Variants in TRPM2 observed in about 807,000 individuals in gnomAD.
TRPM2 encodes the protein estrogen-responsive element-associated gene 1 protein.
TRPM2 carries 161 observed loss-of-function variants against 174.0 expected under a neutral mutation model. That is an observed-to-expected ratio of 0.93 (90% CI 0.81 to 1.05). TRPM2 has a LOEUF of 1.05. Ranked by LOEUF, TRPM2 falls within the 50% of genes least tolerant of loss-of-function variation. The probability of loss-of-function intolerance (pLI) is 0.00; values close to 1 mark genes in which losing one functional copy is unlikely to be tolerated. For missense variants in TRPM2, 2,057 were observed against 2,038.0 expected, an observed-to-expected ratio of 1.01 and a Z score of -0.18; for synonymous variants, 954 against 861.3, an observed-to-expected ratio of 1.11 and a Z score of -1.88.
intron 12 of TRPM2, among the ~76,000 whole-genome samples, chr21:44,397,373 A>G (rs564187256): frequency 6.6e-6 from 1 of 152,180 alleles, no homozygotes; most frequent in Non-Finnish European, 1.5e-5. Context: ...TTCTGCTAAA[A>G]AAAACTGGTT....
At chr21:44,427,903 G>A (rs1601242523) in intron 27 of TRPM2, among the ~76,000 whole-genome samples, 1 of 152,162 alleles carries the variant, frequency 6.6e-6, no homozygotes, top group African/African-American at 2.4e-5. Context: ...GGTGTTGGGG[G>A]TATGTGGGAC....
chr21:44,355,343 G>T (rs1427785945), intron 2 of TRPM2, among the ~76,000 whole-genome samples: 1 of 152,204 alleles, frequency 6.6e-6, no homozygotes, highest in Non-Finnish European at 1.5e-5. Flanking sequence ...GCCCCTTTAG[G>T]CACGGACAGA....
chr21:44,373,176 CCT>C (rs2048591526), intron 5 of TRPM2, among the ~76,000 whole-genome samples: 1 of 151,836 alleles, frequency 6.6e-6, no homozygotes, highest in Non-Finnish European at 1.5e-5. Context: ...CACCCTTGGC[CCT>C]CTCTCTTTTT....
intron 24 of TRPM2, 26 bp from the exon 25 acceptor site, chr21:44,425,644 C>T (rs369359935): frequency 5.0e-5 from 73 of 1,472,498 alleles, no homozygotes; most frequent in African/African-American, 4.5e-4. Flanking sequence ...CTCCGCCTTG[C>T]GTCACGTCTT....
At chr21:44,368,437 T>C (rs1012452948) in intron 4 of TRPM2, among the ~76,000 whole-genome samples, 5 of 148,836 alleles carry the variant, frequency 3.4e-5, no homozygotes, top group African/African-American at 1.2e-4. Flanking sequence ...TTTTTGTTTT[T>C]TTTTTGGAGT....
chr21:44,402,382 C>G (rs968412137), intron 16 of TRPM2, among the ~76,000 whole-genome samples: 4 of 152,184 alleles, frequency 2.6e-5, no homozygotes, highest in Admixed American at 2.6e-4. Flanking sequence ...AGCTCTGAGC[C>G]CAGGGCATCC....
At chr21:44,403,094 C>T (rs1399535973) in intron 16 of TRPM2, among the ~76,000 whole-genome samples, 3 of 152,152 alleles carry the variant, frequency 2.0e-5, no homozygotes, top group Admixed American at 6.5e-5. Flanking sequence ...CCTCTTGCCA[C>T]AGGGCTTCTG....
At chr21:44,365,781 G>C (rs893871355) in intron 3 of TRPM2, among the ~76,000 whole-genome samples, 5 of 152,186 alleles carry the variant, frequency 3.3e-5, no homozygotes, top group African/African-American at 9.7e-5. Context: ...CACAGACCCT[G>C]TACTGCAGCA....
chr21:44,423,473 A>C, intron 22 of TRPM2, 172 bp from the exon 23 acceptor site: 5 of 610,722 alleles, frequency 8.2e-6, no homozygotes, highest in East Asian at 2.9e-5. Context: ...GGCCCTGGGC[A>C]GTTTGGTTCT....
rs2047991773 is a variant in TRPM2 at position 44,354,131 on chromosome 21, T to C, written c.165+266T>C. Among the ~76,000 whole-genome samples, 1 of 152,176 alleles carries C rather than the reference T, an allele frequency of 6.6e-6. No homozygotes were observed. Among genetic ancestry groups the C allele is most frequent in the South Asian group, 2.1e-4 (1 of 4,830 alleles). On this transcript the variant is annotated intron_variant, in intron 1 of 31. Coordinates refer to ENST00000397928, the MANE Select transcript of TRPM2 (RefSeq NM_003307.4). The surrounding 1 kb of genome is among the most constrained non-coding windows in gnomAD (Gnocchi z 4.3). Reference sequence around the variant, plus strand: ...AAATGTTGCGCTAGAGTCCTGGAAATCTGTTACCCGTGCTTACCTTGTTGC... The same window carrying C: ...AAATGTTGCGCTAGAGTCCTGGAAACCTGTTACCCGTGCTTACCTTGTTGC...
At chr21:44,436,894 T>A (rs1338029338) in intron 28 of TRPM2, among the ~76,000 whole-genome samples, 168 bp from the exon 29 acceptor site, 1 of 152,190 alleles carries the variant, frequency 6.6e-6, no homozygotes, top group Non-Finnish European at 1.5e-5. Context: ...CCTAAGTGGT[T>A]ACTATCTCAG....
chr21:44,355,815 A>G (rs1181603081), intron 2 of TRPM2, among the ~76,000 whole-genome samples: 6 of 151,340 alleles, frequency 4.0e-5, no homozygotes, highest in African/African-American at 7.3e-5. Flanking sequence ...ACGGTCACCA[A>G]TACAACAGCT....
At chr21:44,355,245 G>A (rs1228780875) in intron 2 of TRPM2, among the ~76,000 whole-genome samples, 1 of 152,086 alleles carries the variant, frequency 6.6e-6, no homozygotes, top group Non-Finnish European at 1.5e-5. Context: ...CTCAGGTGTG[G>A]CCAAGACCCC....
At chr21:44,425,075 C>T in intron 24 of TRPM2, 136 bp downstream of exon 24, 1 of 796,128 alleles carries the variant, frequency 1.3e-6, no homozygotes, top group Non-Finnish European at 1.9e-6. Context: ...CTGTTCCAGG[C>T]AGGGCCAGCG....
chr21:44,407,110 T>A (rs1383806918), intron 19 of TRPM2, among the ~76,000 whole-genome samples: 6 of 30,342 alleles, frequency 2.0e-4, no homozygotes, highest in Non-Finnish European at 3.1e-4. Context: ...AACTTCCTTC[T>A]TCTCTTGATG....
At position 44,405,231 on chromosome 21, in the gene TRPM2, C is replaced by T; in HGVS notation, c.2628C>T (p.Ile876=). The T allele has an allele frequency of 6.2e-7, 1 of 1,613,354 alleles. No individual in the cohort carries two copies. The highest frequency in any genetic ancestry group is 8.5e-7 in the Non-Finnish European group (1 of 1,179,954). ...GGAATAAGCTGGACGTCGGCGCAAT[C>T]TTGCTCTTCGTGGCAGGGCTGACCT... is the stretch of plus-strand genomic sequence containing the variant. ...DFWNKLDVGA[I]LLFVAGLTCR... Residue 876 remains isoleucine (I), a synonymous_variant, in exon 17 of 32, where the codon ATC becomes ATT. Coordinates refer to ENST00000397928, the MANE Select transcript of TRPM2 (RefSeq NM_003307.4).
At chr21:44,375,804 C>CACTTTCCAGA in intron 5 of TRPM2, 29 bp from the exon 6 acceptor site, 1 of 1,590,330 alleles carries the variant, frequency 6.3e-7, no homozygotes, top group Non-Finnish European at 8.6e-7. Context: ...TTTCCAGAAG[C>CACTTTCCAGA]AGTGTCTGAC....
In TRPM2 at chr21:44,418,499, C is replaced by A; in HGVS notation, c.3405C>A (p.Asn1135Lys). Residue 1135 changes from asparagine (N) to lysine (K), a missense_variant, in exon 22 of 32, where the codon AAC becomes AAA. By Grantham distance (94) the Asn-to-Lys change is moderately conservative. Transcript: ENST00000397928. ...EIYLKENYLQNRQFQQKQRPE... is the reference protein window; with the variant it reads ...EIYLKENYLQKRQFQQKQRPE... ...ACCTGAAGGAGAACTACCTCCAGAA[C>A]CGACAGTTCCAGCAAAAGCAGCGGC... 6.2e-7 allele frequency: 1 copy of A among 1,614,116 alleles called. No individual in the cohort carries two copies. The highest frequency in any genetic ancestry group is 1.1e-5 in the South Asian group (1 of 91,082).
chr21:44,438,962 G>T lies in TRPM2; in HGVS notation c.4168-105G>T, dbSNP rs968363209. The T allele has an allele frequency of 2.3e-6, 2 of 870,996 alleles. No homozygotes were observed. Among genetic ancestry groups the T allele is most frequent in the Admixed American group, 4.5e-5 (2 of 44,596 alleles). The allele number at this position is 870,996 out of a possible 1,614,324, so 54.0% of individuals were successfully genotyped here. The stretch of plus-strand genomic sequence containing the variant: ...GCCTGCCTGTGGCTCCCAGGGCTGG[G>T]CCGCTGCCCACGCCGGGCAGGAGGC... On this transcript the variant is annotated intron_variant, in intron 29 of 31. Transcript: ENST00000397928. The surrounding 1 kb of genome is among the most constrained non-coding windows in gnomAD (Gnocchi z 5.9).
Sources: gnomAD v4.1 joint callset for allele counts (sites outside exome capture counted in the v4.1 genomes callset) on GRCh38, gnomAD v4.1.1 for gene constraint, Gnocchi (gnomAD v3.1) non-coding constraint, MANE v1.5 for transcripts, NCBI Gene and HGNC (gene_info 2026-07-23, HGNC 2026-07-21) for gene names.